Variants in DNER observed in about 807,000 individuals in gnomAD.
DNER encodes the protein delta and Notch-like epidermal growth factor-related receptor.
DNER carries 33 observed loss-of-function variants against 78.2 expected under a neutral mutation model. That is an observed-to-expected ratio of 0.42 (90% CI 0.32 to 0.56). The LOEUF is 0.56. DNER is among the 20% of genes least tolerant of loss of function. The probability of loss-of-function intolerance (pLI) is 0.11; values close to 1 mark genes in which losing one functional copy is unlikely to be tolerated. For missense variants in DNER, 918 were observed against 975.3 expected, an observed-to-expected ratio of 0.94 and a Z score of 0.78; for synonymous variants, 417 against 384.8, an observed-to-expected ratio of 1.08 and a Z score of -0.98.
chr2:229,685,314 T>C (rs1284326379), intron 1 of DNER, among the ~76,000 whole-genome samples: 4 of 152,280 alleles, frequency 2.6e-5, no homozygotes, highest in Non-Finnish European at 5.9e-5. Context: ...ATCGTTTTTA[T>C]TTCTATCATA....
intron 1 of DNER, among the ~76,000 whole-genome samples, chr2:229,687,263 C>CTTTTTTT (rs555202828): frequency 7.8e-6 from 1 of 127,738 alleles, no homozygotes; most frequent in Non-Finnish European, 1.6e-5. Context: ...TTTCCAACTT[C>CTTTTTTT]TTTTTTTTTT....
At chr2:229,388,830 T>C (rs1195159406) in intron 10 of DNER, among the ~76,000 whole-genome samples, 1 of 151,768 alleles carries the variant, frequency 6.6e-6, no homozygotes, top group Non-Finnish European at 1.5e-5. Context: ...CAGCTGCATC[T>C]CGTTATTTTT....
intron 4 of DNER, among the ~76,000 whole-genome samples, chr2:229,584,429 A>G (rs948686758): frequency 2.6e-5 from 4 of 152,174 alleles, no homozygotes; most frequent in Admixed American, 2.0e-4. Context: ...AAGGTGGAAC[A>G]TTATGTCAGC....
At chr2:229,381,880 C>T (rs145774942) in intron 11 of DNER, among the ~76,000 whole-genome samples, 4,479 of 152,246 alleles carry the variant, frequency 0.029, 97 homozygotes, top group African/African-American at 0.06. Context: ...TCCTGCCTGC[C>T]GGCTCTGAAG....
chr2:229,458,538 T>A (rs1159123213), intron 7 of DNER, among the ~76,000 whole-genome samples: 1 of 151,922 alleles, frequency 6.6e-6, no homozygotes, highest in African/African-American at 2.4e-5. Context: ...ACAGAAAAAT[T>A]ATTTGGCAAA....
Position 229,427,935 on chromosome 2 carries a change from C to T in DNER, c.1487-9705G>A, listed in dbSNP as rs541109136. Among the ~76,000 whole-genome samples, 6 of 151,982 alleles carry T rather than the reference C, an allele frequency of 3.9e-5. No homozygotes were observed. In the East Asian group the frequency reaches 1.2e-3, roughly 30 times the overall value. On this transcript the variant is annotated intron_variant, in intron 8 of 12. Transcript: ENST00000341772. ...ACTAAAAATGCAAAAATTAGCCAGG[C>T]GTGGTGGCACACACCTATAGTCCCA...
intron 1 of DNER, among the ~76,000 whole-genome samples, chr2:229,678,187 T>C (rs906832801): frequency 6.6e-6 from 1 of 152,204 alleles, no homozygotes; most frequent in African/African-American, 2.4e-5. Flanking sequence ...CAGTACACAG[T>C]GGCAGCCACT....
chr2:229,432,689 T>C (rs548216983), intron 8 of DNER, among the ~76,000 whole-genome samples: 1 of 152,242 alleles, frequency 6.6e-6, no homozygotes, highest in South Asian at 2.1e-4. Flanking sequence ...TAGAAATGCG[T>C]GTTCTCAGGT....
At chr2:229,387,153 A>T (rs1222564995) in intron 11 of DNER, among the ~76,000 whole-genome samples, 1 of 152,200 alleles carries the variant, frequency 6.6e-6, no homozygotes, top group East Asian at 1.9e-4. Context: ...GCCATAAAAA[A>T]GGATGAGTTC....
chr2:229,415,436 T>C (rs373398616), intron 9 of DNER, among the ~76,000 whole-genome samples: 2 of 152,174 alleles, frequency 1.3e-5, no homozygotes, highest in East Asian at 3.9e-4. Context: ...TGTTAGGTAA[T>C]AAAAGCATGT....
At chr2:229,672,183 C>T (rs12470575) in intron 1 of DNER, among the ~76,000 whole-genome samples, 4,486 of 152,218 alleles carry the variant, frequency 0.029, 111 homozygotes, top group Admixed American at 0.059. Flanking sequence ...CCTGGCAGCA[C>T]GGCGGCCAAG....
chr2:229,452,106 T>C (rs1219281802), intron 7 of DNER, among the ~76,000 whole-genome samples: 1 of 152,230 alleles, frequency 6.6e-6, no homozygotes, highest in African/African-American at 2.4e-5. Flanking sequence ...CATTTCATTC[T>C]GAGGCTACTG....
intron 4 of DNER, among the ~76,000 whole-genome samples, chr2:229,569,238 A>G (rs986574535): frequency 8.5e-5 from 13 of 152,304 alleles, no homozygotes; most frequent in African/African-American, 2.9e-4. Flanking sequence ...AGTCCCTTAC[A>G]TAGGCTGAGC....
intron 1 of DNER, among the ~76,000 whole-genome samples, chr2:229,615,131 G>A (rs1444021471): frequency 1.3e-5 from 2 of 152,186 alleles, no homozygotes; most frequent in Non-Finnish European, 2.9e-5. Context: ...TTCTGTAGAG[G>A]CCGGGCGTGG....
chr2:229,625,483 C>T (rs567348130), intron 1 of DNER, among the ~76,000 whole-genome samples: 68 of 152,068 alleles, frequency 4.5e-4, no homozygotes, highest in Non-Finnish European at 9.4e-4. Context: ...CATGAAGGCC[C>T]GGTCACCGAG....
At chr2:229,411,822 T>C (rs1165030132) in intron 9 of DNER, among the ~76,000 whole-genome samples, 1 of 152,166 alleles carries the variant, frequency 6.6e-6, no homozygotes, top group East Asian at 1.9e-4. Context: ...TATCCTATTA[T>C]GAGTGAGCAG....
intron 1 of DNER, among the ~76,000 whole-genome samples, chr2:229,644,751 A>G (rs77325469): frequency 0.016 from 2,475 of 152,318 alleles, 74 homozygotes; most frequent in African/African-American, 0.056. Flanking sequence ...TGAATGCACC[A>G]TTCCTTAGAT....
intron 1 of DNER, among the ~76,000 whole-genome samples, chr2:229,608,785 G>A (rs1165246128): frequency 6.6e-6 from 1 of 152,106 alleles, no homozygotes; most frequent in Non-Finnish European, 1.5e-5. Context: ...AACTGTATTT[G>A]CCTGTTTTAT....
rs73998300 is a variant in DNER, at chr2:229,622,903, C to G, written c.277-31015G>C. The stretch of plus-strand genomic sequence containing the variant: ...CAACATGTTGATTTCAGACTCCTGG[C>G]CTCCAAAACTGTGAGAGAATAAATT... On this transcript the variant is annotated intron_variant, in intron 1 of 12. Transcript: ENST00000341772. 2.7e-3 allele frequency among the ~76,000 whole-genome samples: 417 copies of G among 152,246 alleles called. 2 individuals are homozygous for G. The highest frequency in any genetic ancestry group is 9.5e-3 in the African/African-American group (394 of 41,540).
Sources: gnomAD v4.1 joint callset for allele counts (sites outside exome capture counted in the v4.1 genomes callset) on GRCh38, gnomAD v4.1.1 for gene constraint, MANE v1.5 for transcripts, NCBI Gene and HGNC (gene_info 2026-07-23, HGNC 2026-07-21) for gene names.